LAMA5: variants seen among roughly 807,000 people sequenced by gnomAD.
LAMA5 encodes the protein laminin subunit alpha-5.
LAMA5 carries 260 observed loss-of-function variants against 433.4 expected under a neutral mutation model. The observed-to-expected ratio is 0.60, with a 90% CI of 0.54 to 0.66. The LOEUF (loss-of-function observed/expected upper bound fraction) is 0.66. Among genes scored for constraint, LAMA5 ranks in the 30% least tolerant of loss-of-function variants. The probability of loss-of-function intolerance (pLI) is 0.00; values close to 1 mark genes in which losing one functional copy is unlikely to be tolerated. For missense variants in LAMA5, 5,378 were observed against 5,258.5 expected (o/e 1.02, Z -0.70); for synonymous variants, 2,620 against 2,226.6 (o/e 1.18, Z -4.97).
Position 62,352,340 on chromosome 20 carries a change from C to G in LAMA5, c.589G>C (p.Glu197Gln), listed in dbSNP as rs1212673473. The G allele has an allele frequency of 5.6e-6, 9 of 1,599,192 alleles. No individual in the cohort carries two copies. Among genetic ancestry groups the G allele is most frequent in the Admixed American group, 1.7e-5 (1 of 59,988 alleles). Reference sequence around the variant, plus strand: ...TCCAGCGTCTGTGGCCCGAACCGCTCCAGACAGTCCCTCTTGGAGGCTGCG... The same window carrying G: ...TCCAGCGTCTGTGGCCCGAACCGCTGCAGACAGTCCCTCTTGGAGGCTGCG... The part of the protein sequence containing the change: ...FFASSKRDCL[E>Q]RFGPQTLERI... Residue 197 changes from glutamate (E) to glutamine (Q), a missense_variant, in exon 4 of 80, where the codon GAG becomes CAG. Physicochemically the swap from Glu to Gln is conservative, Grantham distance 29. Transcript: ENST00000252999.
In LAMA5 at chr20:62,333,249, G is replaced by A; in HGVS notation, c.3129-6C>T. 1 of 1,551,456 alleles carries A rather than the reference G, an allele frequency of 6.4e-7. No individual in the cohort carries two copies. Among genetic ancestry groups the A allele is most frequent in the Non-Finnish European group, 8.7e-7 (1 of 1,145,982 alleles). ...GGTGTGTGTAGAGGAGGCAGCTGGG[G>A]GGACACAGGCCGTGGTCAGCCCCAG... is the stretch of plus-strand genomic sequence containing the variant. On this transcript the variant is annotated splice_region_variant and splice_polypyrimidine_tract_variant and intron_variant, in intron 25 of 79. Coordinates refer to ENST00000252999, the MANE Select transcript of LAMA5 (RefSeq NM_005560.6).
At position 62,323,663 on chromosome 20, in the gene LAMA5, G is replaced by A; in HGVS notation, c.5857C>T (p.Pro1953Ser). 6.2e-7 allele frequency: 1 copy of A among 1,608,016 alleles called. No homozygotes were observed. The highest frequency in any genetic ancestry group is 8.5e-7 in the Non-Finnish European group (1 of 1,177,476). The change falls in exon 45 of 80, where the codon CCC (proline) becomes TCC (serine). Residue 1953 changes from proline (P) to serine (S), a missense_variant. By Grantham distance (74) the Pro-to-Ser change is moderately conservative. Coordinates refer to ENST00000252999, the MANE Select transcript of LAMA5 (RefSeq NM_005560.6). Reference sequence around the variant, plus strand: ...ACCAGTGGGTTCCCAAAGAATCCGGGCGCACACCTGGGAGCAGGGTGGGGA... The same window carrying A: ...ACCAGTGGGTTCCCAAAGAATCCGGACGCACACCTGGGAGCAGGGTGGGGA... ...YAGASCERCA[P>S]GFFGNPLVLG...
chr20:62,350,173 G>A (rs544946265), intron 6 of LAMA5, among the ~76,000 whole-genome samples: 37 of 152,044 alleles, frequency 2.4e-4, no homozygotes, highest in South Asian at 4.1e-4. Flanking sequence ...GGCAAGCCCC[G>A]GCTCCCGCGC....
chr20:62,353,120 C>A lies in LAMA5; in HGVS notation c.568+14G>T. ...CTGCCTCTCCCCCCAGGCCCCACGG[C>A]GGCAGAGACTCACAGGCAAAGAACT... On this transcript the variant is annotated intron_variant, in intron 3 of 79. Coordinates refer to ENST00000252999, the MANE Select transcript of LAMA5 (RefSeq NM_005560.6). 3 of 1,547,244 alleles carry A rather than the reference C, an allele frequency of 1.9e-6. No homozygotes were observed. Among genetic ancestry groups the A allele is most frequent in the Non-Finnish European group, 2.6e-6 (3 of 1,139,456 alleles).
rs1365242225 is a variant in LAMA5, at chr20:62,314,733, G to A, written c.8197-8C>T. 4 of 1,612,318 alleles carry A rather than the reference G, an allele frequency of 2.5e-6. No individual in the cohort carries two copies. The highest frequency in any genetic ancestry group is 2.2e-5 in the South Asian group (2 of 91,028). ...CTTCATGGGCACCTTGACCTGCGGG[G>A]CACGGTCCATCAGCGTCCACCACCA... is the stretch of plus-strand genomic sequence containing the variant. On this transcript the variant is annotated splice_polypyrimidine_tract_variant and splice_region_variant and intron_variant, in intron 60 of 79. Coordinates refer to ENST00000252999, the MANE Select transcript of LAMA5 (RefSeq NM_005560.6).
chr20:62,318,671 G>A, intron 52 of LAMA5, 21 bp from the exon 53 acceptor site: 1 of 1,605,744 alleles, frequency 6.2e-7, no homozygotes, highest in Non-Finnish European at 8.5e-7. Flanking sequence ...CCAGGGTGAG[G>A]GTGGTCACTC....
At chr20:62,313,843 A>C (rs772762889) in intron 62 of LAMA5, 41 bp from the exon 63 acceptor site, 2 of 1,474,644 alleles carry the variant, frequency 1.4e-6, no homozygotes, top group East Asian at 5.3e-5. Context: ...GCACGGAGAG[A>C]TGAGGGGTGG....
Position 62,322,555 on chromosome 20 carries a change from C to T in LAMA5, c.6165+103G>A, listed in dbSNP as rs1017103220. On this transcript the variant is annotated intron_variant, in intron 46 of 79. Coordinates refer to ENST00000252999, the MANE Select transcript of LAMA5 (RefSeq NM_005560.6). ...CTGGCCCCACCCCCTGAGGCTCTGCCCATCAAACACTGCCCCTCAGCCCCA... is the reference window on the plus strand; with the variant it reads ...CTGGCCCCACCCCCTGAGGCTCTGCTCATCAAACACTGCCCCTCAGCCCCA... 8 of 1,423,782 alleles carry T rather than the reference C, an allele frequency of 5.6e-6. No homozygotes were observed. The East Asian group carries it at 7.5e-5, about 13-fold the overall frequency. The allele number at this position is 1,423,782 out of a possible 1,614,324, so 88.2% of individuals were successfully genotyped here. A position where few individuals can be genotyped will look rare whatever the true frequency, so the allele number is the denominator to read the frequency against.
chr20:62,314,288 C>T lies in LAMA5; in HGVS notation c.8504+16G>A. 1 of 1,611,920 alleles carries T rather than the reference C, an allele frequency of 6.2e-7. No homozygotes were observed. The highest frequency in any genetic ancestry group is 1.7e-4 in the Middle Eastern group (1 of 6,026). On this transcript the variant is annotated intron_variant, in intron 62 of 79. Transcript: ENST00000252999. Reference sequence around the variant, plus strand: ...CTGCAGTTGGAGGCATCCGGCCTCTCTCCTGGGCCTCCCACCTGTCCAGGC... The same window carrying T: ...CTGCAGTTGGAGGCATCCGGCCTCTTTCCTGGGCCTCCCACCTGTCCAGGC...
rs45596640 is a variant in LAMA5 at position 62,326,613 on chromosome 20, T to C, written c.5298+64A>G. 77,500 of 1,348,974 alleles carry C rather than the reference T, an allele frequency of 0.057. 2,625 individuals are homozygous for C. Among genetic ancestry groups the C allele is most frequent in the Non-Finnish European group, 0.069 (65,492 of 952,806 alleles). 83.6% of individuals were successfully genotyped at this position (1,348,974 alleles called of 1,614,324 possible). The stretch of plus-strand genomic sequence containing the variant: ...TGGGCACAGCAGCACTGGGACCCCT[T>C]CCGGCCTTCCCAGATGAGCTGAGGT... On this transcript the variant is annotated intron_variant, in intron 40 of 79. Coordinates refer to ENST00000252999, the MANE Select transcript of LAMA5 (RefSeq NM_005560.6).
At position 62,359,251 on chromosome 20, in the gene LAMA5, C is replaced by T. The variant is rs1985680194; in HGVS notation, c.450+3149G>A. The stretch of plus-strand genomic sequence containing the variant: ...TCTGCTGGGGAGAGCCCCGCCCCCA[C>T]GGTCAGGCCACCCAGGGGCCGACTG... On this transcript the variant is annotated intron_variant, in intron 2 of 79. Coordinates refer to ENST00000252999, the MANE Select transcript of LAMA5 (RefSeq NM_005560.6). The surrounding 1 kb of genome is among the most constrained non-coding windows in gnomAD (Gnocchi z 4.3). 6.6e-6 allele frequency among the ~76,000 whole-genome samples: 1 copy of T among 152,134 alleles called. No homozygotes were observed. Among genetic ancestry groups the T allele is most frequent in the Non-Finnish European group, 1.5e-5 (1 of 68,008 alleles).
chr20:62,322,086 G>A lies in LAMA5; in HGVS notation c.6429C>T (p.Asp2143=), dbSNP rs145007737. The A allele has an allele frequency of 5.6e-6, 9 of 1,601,458 alleles. No individual in the cohort carries two copies. Among genetic ancestry groups the A allele is most frequent in the Non-Finnish European group, 7.6e-6 (9 of 1,179,364 alleles). The change falls in exon 48 of 80, where the codon GAC becomes GAT. Residue 2143 remains aspartate (D), a synonymous_variant. Transcript: ENST00000252999. ...GCACCTGATGCTGCTGGCTGCAGGT[G>A]TCGCAGCGCTCCCCGCTGAGCCCCG... ...CPPGLSGERC[D]TCSQQHQVPV...
rs1411518411 is a variant in LAMA5, at chr20:62,311,527, G to A, written c.9816C>T (p.Gly3272=). The A allele has an allele frequency of 1.9e-6, 3 of 1,609,762 alleles. No homozygotes were observed. The highest frequency in any genetic ancestry group is 1.7e-4 in the Middle Eastern group (1 of 6,040). ...ISNVFVQRLL[G]PQRVFDLQQN... ...GCTGCAGATCAAATACGCGCTGTGG[G>A]CCCAGGAGCCTGTGCAGGGCGGGCA... Residue 3272 remains glycine, a synonymous_variant, in exon 72 of 80, where the codon GGC becomes GGT. Coordinates refer to ENST00000252999, the MANE Select transcript of LAMA5 (RefSeq NM_005560.6).
chr20:62,330,371 C>T (rs1980127408), intron 31 of LAMA5, 117 bp downstream of exon 31: 2 of 1,355,190 alleles, frequency 1.5e-6, no homozygotes, highest in African/African-American at 2.9e-5. Flanking sequence ...GAACTGATGG[C>T]AGGACAGAGT....
At position 62,310,207 on chromosome 20, in the gene LAMA5, A is replaced by C; in HGVS notation, c.10705T>G (p.Tyr3569Asp). The change falls in exon 77 of 80, where the codon TAC becomes GAC. Residue 3569 changes from tyrosine (Y) to aspartate (D), a missense_variant. By Grantham distance (160) the Tyr-to-Asp change is radical. Transcript: ENST00000252999. ...FHLGQARTPP[Y>D]LQLQVTEKQV... is the part of the protein sequence containing the mutation. ...TTCTCGGTCACCTGCAACTGCAAGT[A>C]GGGGGGCGTCCGGGCCTGGCCCAAG... 2 of 1,612,550 alleles carry C rather than the reference A, an allele frequency of 1.2e-6. No individual in the cohort carries two copies. The highest frequency in any genetic ancestry group is 1.7e-6 in the Non-Finnish European group (2 of 1,179,938).
rs376528786 is a variant in LAMA5, at chr20:62,309,727, C to T, written c.10937G>A (p.Gly3646Glu). ...AAGGCCGCACTCACCAGGCAGGCCC[C>T]CGAGGTACAGAGGGGCTGGGGCACC... is the stretch of plus-strand genomic sequence containing the variant. The part of the protein sequence containing the change: ...AAGAPAPLYL[G>E]GLPEPMAVQP... The change falls in exon 79 of 80, where the codon GGG (glycine) becomes GAG (glutamate). Residue 3646 changes from glycine to glutamate, a missense_variant. By Grantham distance (98) the Gly-to-Glu change is moderately conservative. Transcript: ENST00000252999. 6.2e-7 allele frequency: 1 copy of T among 1,600,110 alleles called. No homozygotes were observed.
rs1568916344 is a variant in LAMA5, at chr20:62,320,901, T to C, written c.6497-11A>G. The stretch of plus-strand genomic sequence containing the variant: ...CACAGTGGTCACACACTGCAGGCGA[T>C]GTGGGGTCACAGGTCAGTGTCATTG... On this transcript the variant is annotated splice_polypyrimidine_tract_variant and intron_variant, in intron 48 of 79. Transcript: ENST00000252999. The C allele has an allele frequency of 1.2e-6, 2 of 1,601,742 alleles. No homozygotes were observed. Among genetic ancestry groups the C allele is most frequent in the Admixed American group, 3.4e-5 (2 of 58,292 alleles).
Position 62,318,848 on chromosome 20 carries a change from T to C in LAMA5, c.7037A>G (p.Gln2346Arg). Residue 2346 changes from glutamine to arginine, a missense_variant, in exon 52 of 80, where the codon CAG becomes CGG. Transcript: ENST00000252999. Reference sequence around the variant, plus strand: ...CCAGGGACAACACCACTCACATCTCTGTGCTGCAGCCAACTCAGCCTCAGC... The same window carrying C: ...CCAGGGACAACACCACTCACATCTCCGTGCTGCAGCCAACTCAGCCTCAGC... ...AAAEAELAAA[Q>R]RLLARVQEQL... 2 of 1,610,214 alleles carry C rather than the reference T, an allele frequency of 1.2e-6. No individual in the cohort carries two copies. The highest frequency in any genetic ancestry group is 4.5e-5 in the East Asian group (2 of 44,854).
chr20:62,311,698 G>T lies in LAMA5; in HGVS notation c.9722C>A (p.Pro3241His), dbSNP rs200709998. ...PPELQPQPEG[P>H]PRLLLGGLPE... ...CAGGCCTCCCAGGAGGAGCCTCGGGGGCCCCTCAGGCTGCGGCTGGAGCTC... is the reference window on the plus strand; with the variant it reads ...CAGGCCTCCCAGGAGGAGCCTCGGGTGCCCCTCAGGCTGCGGCTGGAGCTC... The change falls in exon 71 of 80, where the codon CCC becomes CAC. Residue 3241 changes from proline to histidine, a missense_variant. By Grantham distance (77) the Pro-to-His change is moderately conservative. Coordinates refer to ENST00000252999, the MANE Select transcript of LAMA5 (RefSeq NM_005560.6). The T allele has an allele frequency of 1.3e-5, 20 of 1,575,534 alleles. No homozygotes were observed. The Middle Eastern group carries it at 5.0e-4, about 40-fold the overall frequency.
Sources: gnomAD v4.1 joint callset for allele counts (sites outside exome capture counted in the v4.1 genomes callset) on GRCh38, gnomAD v4.1.1 for gene constraint, Gnocchi (gnomAD v3.1) non-coding constraint, MANE v1.5 for transcripts, NCBI Gene and HGNC (gene_info 2026-07-23, HGNC 2026-07-21) for gene names.